CBL: variants seen among roughly 807,000 people sequenced by gnomAD.
CBL encodes the protein Cbl proto-oncogene.
CBL carries 45 observed loss-of-function variants against 96.9 expected under a neutral mutation model. That is an observed-to-expected ratio of 0.46 (90% CI 0.37 to 0.60). CBL has a LOEUF of 0.60. CBL is among the 20% of genes least tolerant of loss of function. The probability of loss-of-function intolerance (pLI) is 0.00; values close to 1 mark genes in which losing one functional copy is unlikely to be tolerated. For synonymous variants in CBL, 420 were observed against 426.8 expected, an observed-to-expected ratio of 0.98 and a Z score of 0.20; for missense variants, 1,024 against 1,143.5, an observed-to-expected ratio of 0.90 and a Z score of 1.51.
intron 11 of CBL, among the ~76,000 whole-genome samples, chr11:119,286,435 T>G (rs1280759482): frequency 1.3e-5 from 2 of 152,228 alleles, no homozygotes; most frequent in African/African-American, 4.8e-5. Flanking sequence ...TATTCCCAGA[T>G]AGGGCAATCA....
rs754071882 is a variant in CBL, at chr11:119,296,940, C to T, written c.2059C>T (p.Pro687Ser). Residue 687 changes from proline (P) to serine (S), a missense_variant, in exon 13 of 16, where the codon CCA becomes TCA. By Grantham distance (74) the Pro-to-Ser change is moderately conservative. Around this residue, in one of 4 missense-constraint regions of CBL, gnomAD observed 695 missense variants for 661.6 expected, o/e 1.05. Transcript: ENST00000264033. The part of the protein sequence containing the change: ...AARPLPVPKL[P>S]PGEQCEGEED... ...CAGACCTCTTCCTGTGCCAAAACTGCCACCTGGGGAGCAATGTGAGGGTGA... is the reference window on the plus strand; with the variant it reads ...CAGACCTCTTCCTGTGCCAAAACTGTCACCTGGGGAGCAATGTGAGGGTGA... 3.1e-6 allele frequency: 5 copies of T among 1,605,702 alleles called. No individual in the cohort carries two copies. The highest frequency in any genetic ancestry group is 2.2e-5 in the South Asian group (2 of 90,908).
At chr11:119,250,238 C>A (rs1949661367) in intron 2 of CBL, among the ~76,000 whole-genome samples, 1 of 152,106 alleles carries the variant, frequency 6.6e-6, no homozygotes, top group African/African-American at 2.4e-5. Context: ...GGGTAAATTT[C>A]CCCTGATGTC....
At chr11:119,229,557 G>A (rs1160947164) in intron 1 of CBL, among the ~76,000 whole-genome samples, 1 of 152,076 alleles carries the variant, frequency 6.6e-6, no homozygotes, top group Non-Finnish European at 1.5e-5. Context: ...CGAGGTTGTG[G>A]TGAGCTATGA....
chr11:119,281,767 G>T (rs1054472949), intron 9 of CBL, among the ~76,000 whole-genome samples: 1 of 152,168 alleles, frequency 6.6e-6, no homozygotes, highest in Middle Eastern at 3.4e-3. Flanking sequence ...ACAGTGCTGG[G>T]ATTACAGGTG....
chr11:119,221,204 C>G (rs979916633), intron 1 of CBL, among the ~76,000 whole-genome samples: 1 of 151,194 alleles, frequency 6.6e-6, no homozygotes, highest in Non-Finnish European at 1.5e-5. Flanking sequence ...CATCACACCA[C>G]TGCATTCCAG....
chr11:119,231,715 C>A (rs1401732525), intron 1 of CBL, among the ~76,000 whole-genome samples: 1 of 151,956 alleles, frequency 6.6e-6, no homozygotes. Flanking sequence ...TCTCAAAAAA[C>A]AAACAAACAA....
At position 119,279,345 on chromosome 11, in the gene CBL, CCAAAA is replaced by C. The variant is rs542506936; in HGVS notation, c.1431+643_1431+647del. On this transcript the variant is annotated intron_variant, in intron 9 of 15. Coordinates refer to ENST00000264033, the MANE Select transcript of CBL (RefSeq NM_005188.4). The stretch of plus-strand genomic sequence containing the variant: ...TGAGACCCTATCTCTACCCCTGACT[CCAAAA>C]CAAAACAAAAAAAAGCTGGGTATGG... Among the ~76,000 whole-genome samples the C allele has an allele frequency of 5.9e-5, 9 of 151,852 alleles. No homozygotes were observed. The South Asian group carries it at 1.7e-3, about 28-fold the overall frequency.
chr11:119,277,199 A>G (rs1949895266), intron 6 of CBL, among the ~76,000 whole-genome samples: 3 of 151,476 alleles, frequency 2.0e-5, no homozygotes, highest in African/African-American at 7.3e-5. Flanking sequence ...GTGAGCCAAG[A>G]TCACTCACTG....
rs369753316 is a variant in CBL, at chr11:119,270,436, A to T, written c.444-1299A>T. Among the ~76,000 whole-genome samples, 330 of 38,670 alleles carry T rather than the reference A, an allele frequency of 8.5e-3. 7 individuals are homozygous for T. Among genetic ancestry groups the T allele is most frequent in the Non-Finnish European group, 0.011 (252 of 23,042 alleles). The allele number at this position is 38,670 out of a possible 152,430, so 25.4% of individuals were successfully genotyped here. On this transcript the variant is annotated intron_variant, in intron 2 of 15. Transcript: ENST00000264033. ...AATTTTTATATATATATATATATATATTTTTTTTTTTTTTTTTTTTTTTTT... is the reference window on the plus strand; with the variant it reads ...AATTTTTATATATATATATATATATTTTTTTTTTTTTTTTTTTTTTTTTTT...
At chr11:119,266,065 T>C (rs1949801590) in intron 2 of CBL, among the ~76,000 whole-genome samples, 1 of 143,622 alleles carries the variant, frequency 7.0e-6, no homozygotes, top group Non-Finnish European at 1.5e-5. Context: ...TAGCCAGGCA[T>C]AGTGGCCTCT....
intron 11 of CBL, among the ~76,000 whole-genome samples, chr11:119,287,510 C>A (rs906663116): frequency 2.0e-5 from 3 of 152,160 alleles, no homozygotes; most frequent in African/African-American, 7.2e-5. Context: ...GTTTGACTTT[C>A]TGGCAGCATC....
Position 119,299,838 on chromosome 11 carries a change from A to G in CBL, c.*57A>G. ...CCAGTGAGTTGGGAGTTATTACTCA[A>G]GTGGCACCTAGAAGGGCAGGAGTTC... On this transcript the variant is annotated 3_prime_UTR_variant, in exon 16 of 16. Coordinates refer to ENST00000264033, the MANE Select transcript of CBL (RefSeq NM_005188.4). The G allele has an allele frequency of 1.3e-6, 2 of 1,562,618 alleles. No individual in the cohort carries two copies. Among genetic ancestry groups the G allele is most frequent in the Non-Finnish European group, 8.8e-7 (1 of 1,138,858 alleles).
At chr11:119,281,494 CTT>C (rs34775460) in intron 9 of CBL, among the ~76,000 whole-genome samples, 49 of 125,772 alleles carry the variant, frequency 3.9e-4, no homozygotes, top group African/African-American at 4.8e-4. Context: ...CACCAAAAGC[CTT>C]TTTTTTTTTT....
intron 1 of CBL, among the ~76,000 whole-genome samples, chr11:119,231,098 C>T (rs778956624): frequency 4.6e-5 from 7 of 152,092 alleles, no homozygotes; most frequent in African/African-American, 7.2e-5. Flanking sequence ...GTTCCTCAAG[C>T]GGTTGTTAAA....
chr11:119,250,119 TTTATA>T (rs763738010), intron 2 of CBL, among the ~76,000 whole-genome samples: 47 of 152,296 alleles, frequency 3.1e-4, no homozygotes, highest in Middle Eastern at 3.4e-3. Context: ...ACTGGATTCT[TTTATA>T]TTATAAATAC....
intron 12 of CBL, among the ~76,000 whole-genome samples, chr11:119,292,567 C>T (rs1281397878): frequency 6.6e-6 from 1 of 151,978 alleles, no homozygotes; most frequent in Non-Finnish European, 1.5e-5. Context: ...ACTACAGGCG[C>T]CCGCCACCAA....
intron 2 of CBL, among the ~76,000 whole-genome samples, chr11:119,236,794 CTAG>C (rs1949550266): frequency 2.6e-5 from 4 of 151,962 alleles, no homozygotes; most frequent in Admixed American, 1.3e-4. Flanking sequence ...AGCTATTCTA[CTAG>C]GGGTAAAGTG....
chr11:119,254,054 G>A (rs895675593), intron 2 of CBL, among the ~76,000 whole-genome samples: 3 of 147,128 alleles, frequency 2.0e-5, no homozygotes, highest in African/African-American at 7.5e-5. Flanking sequence ...AGGGGAAAGT[G>A]TTATCAAAAG....
At position 119,288,217 on chromosome 11, in the gene CBL, C is replaced by T. The variant is rs573969283; in HGVS notation, c.2036+271C>T. Reference sequence around the variant, plus strand: ...ATCTGCCATCTGTTTCATTGCTCTGCGCTCTTTATTCTTCCAGCTTTCTTT... The same window carrying T: ...ATCTGCCATCTGTTTCATTGCTCTGTGCTCTTTATTCTTCCAGCTTTCTTT... On this transcript the variant is annotated intron_variant, in intron 12 of 15. Transcript: ENST00000264033. 1.2e-4 allele frequency among the ~76,000 whole-genome samples: 18 copies of T among 152,246 alleles called. No homozygotes were observed. In the South Asian group the frequency reaches 1.7e-3, roughly 14 times the overall value.
Sources: gnomAD v4.1 joint callset for allele counts (sites outside exome capture counted in the v4.1 genomes callset) on GRCh38, gnomAD v4.1.1 for gene constraint, gnomAD v4.1.1 regional missense constraint, MANE v1.5 for transcripts, NCBI Gene and HGNC (gene_info 2026-07-23, HGNC 2026-07-21) for gene names.